Variants in CTNNA2 observed in about 807,000 individuals in gnomAD.
The protein encoded by CTNNA2 is catenin alpha-2.
Under a neutral mutation model 101.0 loss-of-function variants are expected in CTNNA2, and 42 were observed. That is an observed-to-expected ratio of 0.42 (90% CI 0.32 to 0.54). The LOEUF is 0.54. Among genes scored for constraint, CTNNA2 ranks in the 20% least tolerant of loss-of-function variants. The probability of loss-of-function intolerance (pLI) is 0.14; values close to 1 mark genes in which losing one functional copy is unlikely to be tolerated. For synonymous variants in CTNNA2, 450 were observed against 456.4 expected (o/e 0.99, Z 0.18); for missense variants, 871 against 1,223.1 (o/e 0.71, Z 4.29).
intron 9 of CTNNA2, among the ~76,000 whole-genome samples, chr2:80,499,487 G>A (rs1687711366): frequency 6.6e-6 from 1 of 151,842 alleles, no homozygotes; most frequent in African/African-American, 2.4e-5. Flanking sequence ...AGTGTCATTG[G>A]CCTGAATTTT....
At chr2:80,043,477 C>T (rs1391937186) in intron 7 of CTNNA2, among the ~76,000 whole-genome samples, 7 of 152,082 alleles carry the variant, frequency 4.6e-5, no homozygotes, top group African/African-American at 1.2e-4. Flanking sequence ...GGATTACAGG[C>T]GTGAGCCACT....
chr2:79,197,190 A>T (rs1673972643), intron 1 of CTNNA2, among the ~76,000 whole-genome samples: 1 of 152,254 alleles, frequency 6.6e-6, no homozygotes, highest in Admixed American at 6.5e-5. Context: ...CACCCGAATT[A>T]GAACAAACAG....
chr2:80,303,150 C>T lies in CTNNA2; in HGVS notation c.1057-90061C>T, dbSNP rs964847233. On this transcript the variant is annotated intron_variant, in intron 7 of 18. Transcript: ENST00000402739. This position sits in a 1 kb window ranked among gnomAD's most constrained non-coding sequence, Gnocchi z 7.7. ...AGGCGCGGGAAGTGGGCGAAGTTCACCTTGACCAAGTCGTTGTGCTCGAGG... is the reference window on the plus strand; with the variant it reads ...AGGCGCGGGAAGTGGGCGAAGTTCATCTTGACCAAGTCGTTGTGCTCGAGG... 7.4e-6 allele frequency: 12 copies of T among 1,614,120 alleles called. No individual in the cohort carries two copies. The highest frequency in any genetic ancestry group is 1.6e-4 in the Middle Eastern group (1 of 6,062).
chr2:79,874,041 A>C (rs1366084583), intron 5 of CTNNA2, 35 bp from the exon 6 acceptor site: 1 of 1,607,106 alleles, frequency 6.2e-7, no homozygotes, highest in Non-Finnish European at 8.5e-7. Flanking sequence ...TGCAAATTTC[A>C]TGTGTGTGAC....
At chr2:79,230,790 G>A (rs759870758) in intron 2 of CTNNA2, among the ~76,000 whole-genome samples, 1 of 152,218 alleles carries the variant, frequency 6.6e-6, no homozygotes, top group Non-Finnish European at 1.5e-5. Flanking sequence ...AGCTGCCCAA[G>A]ACTATGGGAA....
chr2:80,243,434 C>G (rs576642424), intron 7 of CTNNA2, among the ~76,000 whole-genome samples: 1 of 152,186 alleles, frequency 6.6e-6, no homozygotes, highest in East Asian at 1.9e-4. Context: ...TCACATCCCA[C>G]TCTCATCTCC....
At chr2:80,299,309 A>T (rs2149198860) in intron 7 of CTNNA2, 1 of 152,352 alleles carries the variant, frequency 6.6e-6, no homozygotes, top group African/African-American at 2.4e-5. Context: ...AAAGATTTCA[A>T]GTGTTACAAA....
At chr2:80,116,785 A>G (rs889117457) in intron 7 of CTNNA2, among the ~76,000 whole-genome samples, 18 of 152,146 alleles carry the variant, frequency 1.2e-4, no homozygotes, top group Non-Finnish European at 2.6e-4. Flanking sequence ...TCAGCCCATC[A>G]GATAAGTTTT....
At chr2:80,466,250 G>T (rs1433263719) in intron 9 of CTNNA2, among the ~76,000 whole-genome samples, 1 of 152,124 alleles carries the variant, frequency 6.6e-6, no homozygotes, top group East Asian at 1.9e-4. Flanking sequence ...TTTACAGAGA[G>T]CTTTCTACCC....
chr2:79,517,124 G>T (rs1671850116), intron 1 of CTNNA2, among the ~76,000 whole-genome samples: 1 of 152,186 alleles, frequency 6.6e-6, no homozygotes, highest in Non-Finnish European at 1.5e-5. Flanking sequence ...TACTCTCTGT[G>T]TGGAGAGACA....
intron 2 of CTNNA2, among the ~76,000 whole-genome samples, chr2:79,310,477 C>T (rs1676341555): frequency 1.3e-5 from 2 of 152,168 alleles, no homozygotes; most frequent in South Asian, 4.1e-4. Flanking sequence ...CACTGGTTAT[C>T]ACGTAACCTC....
chr2:80,190,356 T>C (rs765249630), intron 7 of CTNNA2, among the ~76,000 whole-genome samples: 1 of 152,084 alleles, frequency 6.6e-6, no homozygotes, highest in South Asian at 2.1e-4. Flanking sequence ...GGCAGTGGCC[T>C]GGGCAGGAAA....
chr2:80,438,920 G>T (rs1559111111), intron 9 of CTNNA2, among the ~76,000 whole-genome samples: 2 of 152,166 alleles, frequency 1.3e-5, no homozygotes, highest in African/African-American at 4.8e-5. Context: ...TCCTTTTTAT[G>T]CTCTGTCTGA....
chr2:79,341,938 G>A (rs569024069), intron 3 of CTNNA2, among the ~76,000 whole-genome samples: 52 of 152,284 alleles, frequency 3.4e-4, no homozygotes, highest in African/African-American at 9.6e-4. Context: ...AGGGTGTCAC[G>A]TTAACTTGTC....
At chr2:80,526,786 C>A (rs958629151) in intron 9 of CTNNA2, among the ~76,000 whole-genome samples, 1 of 152,240 alleles carries the variant, frequency 6.6e-6, no homozygotes, top group Non-Finnish European at 1.5e-5. Flanking sequence ...TGCGTCATTT[C>A]AGGTGCTGTG....
At chr2:79,288,592 T>G (rs1325731781) in intron 2 of CTNNA2, among the ~76,000 whole-genome samples, 1 of 152,146 alleles carries the variant, frequency 6.6e-6, no homozygotes, top group Non-Finnish European at 1.5e-5. Context: ...CTCTTTGTTT[T>G]TCTCTCTCTT....
intron 7 of CTNNA2, among the ~76,000 whole-genome samples, chr2:80,366,303 G>A (rs1242387803): frequency 6.6e-6 from 1 of 152,144 alleles, no homozygotes; most frequent in African/African-American, 2.4e-5. Context: ...CCCAGTAGAA[G>A]TTGGAAAAGC....
chr2:80,312,692 G>A lies in CTNNA2; in HGVS notation c.1057-80519G>A, dbSNP rs372678941. 4.6e-5 allele frequency among the ~76,000 whole-genome samples: 7 copies of A among 152,202 alleles called. No individual in the cohort carries two copies. The East Asian group carries it at 1.3e-3, about 29-fold the overall frequency. ...CCAATTTAATTCTATAGTAAGTTCT[G>A]TCTGCTCTGTCTCTGATATTCCTTG... On this transcript the variant is annotated intron_variant, in intron 7 of 18. Transcript: ENST00000402739.
At chr2:79,592,656 G>A (rs1676938923) in intron 1 of CTNNA2, among the ~76,000 whole-genome samples, 1 of 152,166 alleles carries the variant, frequency 6.6e-6, no homozygotes, top group Admixed American at 6.5e-5. Context: ...CTTGTGGCAT[G>A]TAATGCTATA....
Sources: allele counts gnomAD v4.1 joint callset (sites outside exome capture counted in the v4.1 genomes callset), GRCh38; gene constraint gnomAD v4.1.1; non-coding constraint Gnocchi (gnomAD v3.1); transcripts MANE v1.5; gene names NCBI Gene and HGNC (gene_info 2026-07-23, HGNC 2026-07-21).